OPN3: variants seen among roughly 807,000 people sequenced by gnomAD.
The protein encoded by OPN3 is opsin 3.
A neutral mutation model predicts 33.8 loss-of-function variants in OPN3; 29 were observed. The ratio of observed to expected loss-of-function variants is 0.86; its 90% CI spans 0.64 to 1.17. The LOEUF is 1.17. Ranked by LOEUF, OPN3 falls within the 50% of genes most tolerant of loss-of-function variation. OPN3 has a pLI of 0.00. For synonymous variants in OPN3, 216 were observed against 216.1 expected, an observed-to-expected ratio of 1.00 and a Z score of 0.00; for missense variants, 437 against 514.1, an observed-to-expected ratio of 0.85 and a Z score of 1.45.
At chr1:241,624,583 C>T (rs1664361330) in intron 1 of OPN3, among the ~76,000 whole-genome samples, 1 of 152,182 alleles carries the variant, frequency 6.6e-6, no homozygotes, top group Non-Finnish European at 1.5e-5. Flanking sequence ...ATGGCTTGAG[C>T]GTTCCAGTAC....
In OPN3 at chr1:241,624,197, C is replaced by T. The variant is rs1323355231; in HGVS notation, c.373+15685G>A. Among the ~76,000 whole-genome samples the T allele has an allele frequency of 2.0e-5, 3 of 150,206 alleles. No homozygotes were observed. The East Asian group carries it at 5.9e-4, about 30-fold the overall frequency. On this transcript the variant is annotated intron_variant, in intron 1 of 3. Coordinates refer to ENST00000366554, the MANE Select transcript of OPN3 (RefSeq NM_014322.3). ...CTGCCTCTCCACGCCAGGCCAGGCA[C>T]TCTATGCTCCAGACACTGTGGACCC...
intron 1 of OPN3, chr1:241,630,569 A>G (rs1156648651): frequency 6.6e-6 from 1 of 152,080 alleles, no homozygotes; most frequent in Non-Finnish European, 1.5e-5. Context: ...TATTTATGCT[A>G]CTTTCCTTAT....
chr1:241,608,198 C>T (rs1663892308), intron 1 of OPN3, among the ~76,000 whole-genome samples: 1 of 152,162 alleles, frequency 6.6e-6, no homozygotes, highest in East Asian at 1.9e-4. Context: ...GGCAAGAAAA[C>T]TCAGTACAAA....
At chr1:241,611,238 G>T (rs182128657) in intron 1 of OPN3, among the ~76,000 whole-genome samples, 1 of 151,986 alleles carries the variant, frequency 6.6e-6, no homozygotes, top group African/African-American at 2.4e-5. Context: ...TCTAGACTGG[G>T]GTAAGCAAGT....
chr1:241,606,685 G>A (rs2148002983), intron 1 of OPN3, among the ~76,000 whole-genome samples: 1 of 152,256 alleles, frequency 6.6e-6, no homozygotes, highest in South Asian at 2.1e-4. Context: ...GAACAGATGT[G>A]GGGAAGACAA....
chr1:241,629,452 A>G (rs894210717), intron 1 of OPN3: 4 of 152,110 alleles, frequency 2.6e-5, no homozygotes, highest in East Asian at 1.9e-4. Flanking sequence ...TTGATTTTTT[A>G]TATCATTTAT....
Position 241,594,144 on chromosome 1 carries a change from T to C in OPN3, c.*284A>G. 5.9e-6 allele frequency: 2 copies of C among 337,226 alleles called. No homozygotes were observed. Among genetic ancestry groups the C allele is most frequent in the East Asian group, 1.0e-4 (2 of 19,440 alleles). 20.9% of individuals were successfully genotyped at this position (337,226 alleles called of 1,614,324 possible). On this transcript the variant is annotated 3_prime_UTR_variant, in exon 4 of 4. Transcript: ENST00000366554. Reference sequence around the variant, plus strand: ...AAAATAGAGTAATTTAAAAAATATATTTGAAATGAAAATCTCCAACACATT... The same window carrying C: ...AAAATAGAGTAATTTAAAAAATATACTTGAAATGAAAATCTCCAACACATT...
intron 1 of OPN3, 115 bp downstream of exon 1, chr1:241,639,767 G>A: frequency 1.8e-6 from 2 of 1,101,724 alleles, no homozygotes; most frequent in South Asian, 1.8e-5. Flanking sequence ...CGGGGGGCGC[G>A]GGGCCGAGCG....
chr1:241,632,757 T>C (rs1295981549), intron 1 of OPN3: 1 of 152,166 alleles, frequency 6.6e-6, no homozygotes, highest in East Asian at 1.9e-4. Context: ...GTGATATTAA[T>C]TAAAGTGGTA....
At position 241,597,849 on chromosome 1, in the gene OPN3, C is replaced by G. The variant is rs1202774956; in HGVS notation, c.842G>C (p.Gly281Ala). Reference sequence around the variant, plus strand: ...TGTTGGAGTGACCAGGTGACCATGACCATTAACCACCAAGAAGCAGATCAC... The same window carrying G: ...TGTTGGAGTGACCAGGTGACCATGAGCATTAACCACCAAGAAGCAGATCAC... ...YIVICFLVVN[G>A]HGHLVTPTIS... Residue 281 changes from glycine (G) to alanine (A), a missense_variant, in exon 3 of 4, where the codon GGT (glycine) becomes GCT (alanine). Transcript: ENST00000366554. 3 of 1,613,550 alleles carry G rather than the reference C, an allele frequency of 1.9e-6. No homozygotes were observed. The African/African-American group carries it at 4.0e-5, about 22-fold the overall frequency.
intron 1 of OPN3, among the ~76,000 whole-genome samples, chr1:241,610,959 A>G (rs540161320): frequency 1.1e-4 from 14 of 130,888 alleles, no homozygotes; most frequent in African/African-American, 4.5e-4. Flanking sequence ...AAATGAGAAT[A>G]TACATGTTTA....
chr1:241,627,468 A>G (rs564475370), intron 1 of OPN3, among the ~76,000 whole-genome samples: 9 of 152,358 alleles, frequency 5.9e-5, no homozygotes, highest in African/African-American at 2.4e-5. Flanking sequence ...GGTTTTATCT[A>G]CAAAGAAACT....
intron 2 of OPN3, among the ~76,000 whole-genome samples, chr1:241,603,623 C>T (rs1424211268): frequency 1.3e-5 from 2 of 151,956 alleles, no homozygotes; most frequent in African/African-American, 2.4e-5. Context: ...TAGCTAAGTC[C>T]GATTTTTTAA....
intron 1 of OPN3, among the ~76,000 whole-genome samples, chr1:241,614,910 G>A (rs1239658691): frequency 6.6e-6 from 1 of 152,160 alleles, no homozygotes; most frequent in Non-Finnish European, 1.5e-5. Context: ...TTTCCCCCCA[G>A]TAATTGCTTA....
At chr1:241,606,623 C>T (rs1363157074) in intron 1 of OPN3, among the ~76,000 whole-genome samples, 1 of 151,420 alleles carries the variant, frequency 6.6e-6, no homozygotes, top group Non-Finnish European at 1.5e-5. Flanking sequence ...TCTAACCTGC[C>T]TAAGGAATAG....
intron 1 of OPN3, among the ~76,000 whole-genome samples, chr1:241,639,014 T>C (rs1232495402): frequency 6.6e-6 from 1 of 152,262 alleles, no homozygotes; most frequent in East Asian, 1.9e-4. Context: ...ATTTCCTTTC[T>C]ACGCTTCCTT....
chr1:241,620,225 T>C (rs1017164825), intron 1 of OPN3, among the ~76,000 whole-genome samples: 1 of 146,516 alleles, frequency 6.8e-6, no homozygotes, highest in Non-Finnish European at 1.5e-5. Context: ...AGAGCAGCAT[T>C]GTTCAGTAGA....
At chr1:241,636,405 G>C (rs2148030712) in intron 1 of OPN3, among the ~76,000 whole-genome samples, 1 of 152,314 alleles carries the variant, frequency 6.6e-6, no homozygotes, top group East Asian at 1.9e-4. Flanking sequence ...TGTGAGCTTA[G>C]ACTAAAAGGA....
intron 1 of OPN3, among the ~76,000 whole-genome samples, chr1:241,637,728 G>T (rs528485995): frequency 6.6e-6 from 1 of 152,292 alleles, no homozygotes; most frequent in East Asian, 1.9e-4. Flanking sequence ...CCCAATAATA[G>T]AGATGAGAGA....
Sources: gnomAD v4.1 joint callset for allele counts (sites outside exome capture counted in the v4.1 genomes callset) on GRCh38, gnomAD v4.1.1 for gene constraint, MANE v1.5 for transcripts, NCBI Gene and HGNC (gene_info 2026-07-23, HGNC 2026-07-21) for gene names.